The following BCAR3 variants were observed in gnomAD, a reference collection of about 807,000 sequenced individuals.
The protein encoded by BCAR3 is BCAR3 adaptor protein, NSP family member, also known as breast cancer anti-estrogen resistance protein 3.
Under a neutral mutation model 80.1 loss-of-function variants are expected in BCAR3, and 37 were observed. That is an observed-to-expected ratio of 0.46 (90% CI 0.36 to 0.61). The LOEUF is 0.61. Ranked by LOEUF, BCAR3 falls within the 20% of genes least tolerant of loss-of-function variation. BCAR3 has a pLI of 0.00. For synonymous variants in BCAR3, 389 were observed against 418.9 expected (o/e 0.93, Z 0.87); for missense variants, 978 against 1,068.2 (o/e 0.92, Z 1.18).
At chr1:93,599,600 G>A (rs766905388) in intron 3 of BCAR3, 1 of 152,218 alleles carries the variant, frequency 6.6e-6, no homozygotes, top group Non-Finnish European at 1.5e-5. Context: ...GAGAGCAATG[G>A]GCTGGATGGG....
At chr1:93,587,198 A>G (rs1570936616) in intron 5 of BCAR3, among the ~76,000 whole-genome samples, 1 of 151,976 alleles carries the variant, frequency 6.6e-6, no homozygotes, top group Non-Finnish European at 1.5e-5. Context: ...ATTAATTTTC[A>G]TATTTTTTGT....
At chr1:93,579,392 G>C (rs1381665617) in intron 7 of BCAR3, among the ~76,000 whole-genome samples, 1 of 152,208 alleles carries the variant, frequency 6.6e-6, no homozygotes, top group Non-Finnish European at 1.5e-5. Flanking sequence ...CAGGGAAGAA[G>C]GAAGTTTCAA....
At chr1:93,709,968 A>G (rs551613002) in intron 2 of BCAR3, among the ~76,000 whole-genome samples, 1 of 152,308 alleles carries the variant, frequency 6.6e-6, no homozygotes, top group Non-Finnish European at 1.5e-5. Context: ...GGCCTGTTCG[A>G]TGCTGTGTTT....
intron 2 of BCAR3, among the ~76,000 whole-genome samples, chr1:93,754,960 T>G (rs1651695340): frequency 6.6e-6 from 1 of 152,212 alleles, no homozygotes; most frequent in South Asian, 2.1e-4. Flanking sequence ...CCTGAAGACC[T>G]TCCAGTGGGA....
chr1:93,580,615 C>T (rs1197127264), intron 7 of BCAR3, among the ~76,000 whole-genome samples: 1 of 151,650 alleles, frequency 6.6e-6, no homozygotes, highest in Non-Finnish European at 1.5e-5. Flanking sequence ...AAAGCATATA[C>T]GTTGTATTAG....
chr1:93,614,129 A>C, intron 3 of BCAR3: 1 of 1,365,872 alleles, frequency 7.3e-7, no homozygotes, highest in Non-Finnish European at 9.4e-7. Context: ...AGCCAATACG[A>C]TCCACTCGCT....
intron 3 of BCAR3, among the ~76,000 whole-genome samples, chr1:93,604,452 C>A (rs1019714579): frequency 6.6e-6 from 1 of 152,178 alleles, no homozygotes; most frequent in African/African-American, 2.4e-5. Flanking sequence ...TTTCTGTTAT[C>A]CATGTGTGCA....
At chr1:93,658,225 C>T (rs1647483512) in intron 2 of BCAR3, among the ~76,000 whole-genome samples, 1 of 152,126 alleles carries the variant, frequency 6.6e-6, no homozygotes, top group South Asian at 2.1e-4. Flanking sequence ...AGGCTTGAGC[C>T]ACCGCGCCCA....
At chr1:93,777,294 T>C (rs1652584410) in intron 2 of BCAR3, among the ~76,000 whole-genome samples, 1 of 152,228 alleles carries the variant, frequency 6.6e-6, no homozygotes, top group Non-Finnish European at 1.5e-5. Flanking sequence ...ATACAATTAT[T>C]GATACCCAGA....
chr1:93,802,208 G>T (rs1358609844), intron 2 of BCAR3, among the ~76,000 whole-genome samples: 2 of 151,972 alleles, frequency 1.3e-5, no homozygotes, highest in African/African-American at 2.4e-5. Context: ...TACTCAAGAG[G>T]CTGAGGTGGG....
chr1:93,563,021 A>AG (rs1245321856), intron 11 of BCAR3, among the ~76,000 whole-genome samples: 5 of 152,292 alleles, frequency 3.3e-5, no homozygotes, highest in Non-Finnish European at 4.4e-5. Flanking sequence ...TGCTGTGGGA[A>AG]GGAGGGTTCA....
intron 3 of BCAR3, among the ~76,000 whole-genome samples, chr1:93,691,913 C>A (rs1284420139): frequency 6.6e-6 from 1 of 152,154 alleles, no homozygotes; most frequent in Non-Finnish European, 1.5e-5. Context: ...CTCAAGAGAC[C>A]TTTTGCTGCT....
intron 11 of BCAR3, among the ~76,000 whole-genome samples, chr1:93,563,876 T>C (rs1672806884): frequency 6.6e-6 from 1 of 152,100 alleles, no homozygotes; most frequent in South Asian, 2.1e-4. Context: ...GTATTTTCAG[T>C]AGAGACGGGG....
At chr1:93,686,568 CTT>C (rs1000721010), upstream of BCAR3, among the ~76,000 whole-genome samples, 1 of 152,214 alleles carries the variant, frequency 6.6e-6, no homozygotes, top group Non-Finnish European at 1.5e-5. Flanking sequence ...AGAAAAGTGA[CTT>C]TACCAATTAA....
At chr1:93,655,588 G>C (rs1156749071) in intron 2 of BCAR3, among the ~76,000 whole-genome samples, 1 of 152,154 alleles carries the variant, frequency 6.6e-6, no homozygotes, top group Non-Finnish European at 1.5e-5. Flanking sequence ...AAATACCTTT[G>C]CCTCCAAGCA....
At chr1:93,834,528 G>A (rs1362170822) in intron 2 of BCAR3, among the ~76,000 whole-genome samples, 6 of 152,144 alleles carry the variant, frequency 3.9e-5, no homozygotes, top group Non-Finnish European at 8.8e-5. Context: ...GAAGTGCAGG[G>A]CCGTGTGGTT....
At chr1:93,614,364 TTC>T (rs1675040798) in intron 3 of BCAR3, among the ~76,000 whole-genome samples, 1 of 152,168 alleles carries the variant, frequency 6.6e-6, no homozygotes, top group Non-Finnish European at 1.5e-5. Context: ...CTCCTAGTGG[TTC>T]TGTCTGCTTG....
At chr1:93,847,308 G>A (rs1332561657), upstream of BCAR3, 1 of 169,360 alleles carries the variant, frequency 5.9e-6, no homozygotes, top group East Asian at 1.9e-4. Flanking sequence ...GGACCGTGAA[G>A]GGGACCGGGT....
chr1:93,597,488 G>A (rs1410035773), intron 3 of BCAR3, among the ~76,000 whole-genome samples: 1 of 152,210 alleles, frequency 6.6e-6, no homozygotes, highest in Non-Finnish European at 1.5e-5. Flanking sequence ...AGGCCACTGT[G>A]CCACGCACCT....
Sources: gnomAD v4.1 joint callset for allele counts (sites outside exome capture counted in the v4.1 genomes callset) on GRCh38, gnomAD v4.1.1 for gene constraint, MANE v1.5 for transcripts, NCBI Gene and HGNC (gene_info 2026-07-23, HGNC 2026-07-21) for gene names.